Variants in HTR3D observed in about 807,000 individuals in gnomAD.
HTR3D encodes 5-hydroxytryptamine receptor 3D.
HTR3D carries 47 observed loss-of-function variants against 45.8 expected under a neutral mutation model. That is an observed-to-expected ratio of 1.03 (90% CI 0.81 to 1.31). HTR3D has a LOEUF of 1.31. Among genes scored for constraint, HTR3D ranks in the 50% most tolerant of loss-of-function variants. The probability of loss-of-function intolerance (pLI) is 0.00; values close to 1 mark genes in which losing one functional copy is unlikely to be tolerated. For missense variants in HTR3D, 448 were observed against 506.9 expected (o/e 0.88, Z 1.12); for synonymous variants, 203 against 199.8 (o/e 1.02, Z -0.13).
Position 184,039,011 on chromosome 3 carries a change from T to G in HTR3D, c.*36T>G. 1 of 1,608,190 alleles carries G rather than the reference T, an allele frequency of 6.2e-7. No individual in the cohort carries two copies. Among genetic ancestry groups the G allele is most frequent in the Non-Finnish European group, 8.5e-7 (1 of 1,175,900 alleles). ...ACCTGCAAACTTCAGTCTGGACTTC[T>G]TTTTGCCAGAGAACTCCAGAAACCA... is the stretch of plus-strand genomic sequence containing the variant. On this transcript the variant is annotated 3_prime_UTR_variant, in exon 8 of 8. Transcript: ENST00000428798.
At chr3:184,036,943 G>T (rs1383402210) in intron 5 of HTR3D, 47 bp downstream of exon 5, 1 of 1,529,146 alleles carries the variant, frequency 6.5e-7, no homozygotes, top group Admixed American at 2.0e-5. Context: ...GGCCAGGCTG[G>T]TCTTGAACTC....
At position 184,038,126 on chromosome 3, in the gene HTR3D, G is replaced by A; in HGVS notation, c.622G>A (p.Glu208Lys). Reference sequence around the variant, plus strand: ...TGCCCTCAGTTTCTACCTGCCACTGGAAAGTGGGAATTGTGCCCCATTCAA... The same window carrying A: ...TGCCCTCAGTTTCTACCTGCCACTGAAAAGTGGGAATTGTGCCCCATTCAA... ...IDALSFYLPL[E>K]SGNCAPFKMT... is the part of the protein sequence containing the mutation. The change falls in exon 6 of 8, where the codon GAA (glutamate) becomes AAA (lysine). Residue 208 changes from glutamate (E) to lysine (K), a missense_variant. Physicochemically the swap from Glu to Lys is moderately conservative, Grantham distance 56 (BLOSUM62 1). Transcript: ENST00000428798. This position sits in a 1 kb window ranked among gnomAD's most constrained non-coding sequence, Gnocchi z 4.5. The A allele has an allele frequency of 6.2e-7, 1 of 1,614,168 alleles. No homozygotes were observed. Among genetic ancestry groups the A allele is most frequent in the Non-Finnish European group, 8.5e-7 (1 of 1,180,036 alleles).
chr3:184,038,409 G>T lies in HTR3D; in HGVS notation c.770G>T (p.Gly257Val). ...RPHPSRDQKR[G>V]VYFALCLSLM... ...CTCATGCAGACCCCCTTGCCTGCAG[G>T]TGTCTACTTCGCCCTGTGCCTGTCC... Residue 257 changes from glycine to valine, a missense_variant and splice_region_variant, in exon 7 of 8, where the codon GGT becomes GTT. Physicochemically the swap from Gly to Val is moderately radical, Grantham distance 109. Coordinates refer to ENST00000428798, the MANE Select transcript of HTR3D (RefSeq NM_001145143.1). This position sits in a 1 kb window ranked among gnomAD's most constrained non-coding sequence, Gnocchi z 4.5. The T allele has an allele frequency of 6.2e-7, 1 of 1,614,140 alleles. No homozygotes were observed. Among genetic ancestry groups the T allele is most frequent in the Non-Finnish European group, 8.5e-7 (1 of 1,180,024 alleles).
upstream of HTR3D, chr3:184,031,596 T>C (rs1005789581): frequency 3.3e-5 from 20 of 614,834 alleles, no homozygotes; most frequent in Admixed American, 1.1e-4. Flanking sequence ...TGTGACATTC[T>C]TTTGTCACCA....
At chr3:184,035,297 GATTAT>G in intron 2 of HTR3D, 75 bp downstream of exon 2, 2 of 1,230,008 alleles carry the variant, frequency 1.6e-6, no homozygotes, top group Non-Finnish European at 2.3e-6. Flanking sequence ...CAGCTTTGCA[GATTAT>G]ATTGGTTAAA....
chr3:184,033,851 A>G (rs1228900293), intron 1 of HTR3D, among the ~76,000 whole-genome samples: 1 of 152,232 alleles, frequency 6.6e-6, no homozygotes, highest in Non-Finnish European at 1.5e-5. Context: ...CAGGAGGCAG[A>G]GGTTGCAGAC....
chr3:184,035,862 T>G, intron 2 of HTR3D, 153 bp from the exon 3 acceptor site: 1 of 676,638 alleles, frequency 1.5e-6, no homozygotes, highest in South Asian at 2.1e-5. Flanking sequence ...CCAGCTAATT[T>G]TTGTATTTTT....
chr3:184,034,831 A>G (rs959533402), intron 1 of HTR3D, among the ~76,000 whole-genome samples: 31 of 152,186 alleles, frequency 2.0e-4, no homozygotes, highest in African/African-American at 7.0e-4. Context: ...CTGTCTCAAA[A>G]AAAAGAAAAA....
chr3:184,035,092 C>A, intron 1 of HTR3D, 86 bp from the exon 2 acceptor site: 1 of 1,541,594 alleles, frequency 6.5e-7, no homozygotes, highest in Admixed American at 2.0e-5. Context: ...CCACATGGAC[C>A]AGCCTTGGAA....
In HTR3D at chr3:184,036,489, C is replaced by A; in HGVS notation, c.312C>A (p.Ser104=). The A allele has an allele frequency of 6.2e-7, 1 of 1,614,220 alleles. No homozygotes were observed. The highest frequency in any genetic ancestry group is 1.3e-5 in the African/African-American group (1 of 75,056). ...SASANWTPSI[S]PSMDRGERSP... ...CTGCAAACTGGACACCTTCTATTTCCCCTTCCATGGACAGAGGTGAACGCT... is the reference window on the plus strand; with the variant it reads ...CTGCAAACTGGACACCTTCTATTTCACCTTCCATGGACAGAGGTGAACGCT... Residue 104 remains serine (S), a synonymous_variant, in exon 4 of 8, where the codon TCC becomes TCA. Transcript: ENST00000428798.
intron 1 of HTR3D, chr3:184,032,848 A>C: frequency 2.6e-6 from 4 of 1,551,730 alleles, no homozygotes; most frequent in Non-Finnish European, 2.6e-6. Flanking sequence ...AACACTCTCC[A>C]GGCCCCCCAG....
chr3:184,037,564 G>A (rs2108962580), intron 5 of HTR3D, among the ~76,000 whole-genome samples: 1 of 152,252 alleles, frequency 6.6e-6, no homozygotes, highest in South Asian at 2.1e-4. Flanking sequence ...AGGAAACACT[G>A]CCTTAGGGAT....
intron 1 of HTR3D, 136 bp from the exon 2 acceptor site, chr3:184,035,042 T>C: frequency 1.3e-6 from 2 of 1,503,712 alleles, no homozygotes; most frequent in Non-Finnish European, 8.9e-7. Flanking sequence ...TGTTTTGATC[T>C]ACATCATTTT....
chr3:184,031,912 G>A lies in HTR3D; in HGVS notation c.66+105G>A, dbSNP rs889956779. 5.8e-5 allele frequency: 45 copies of A among 773,380 alleles called. 1 individual carries two copies. The South Asian group carries it at 6.0e-4, about 10-fold the overall frequency. 47.9% of individuals were successfully genotyped at this position (773,380 alleles called of 1,614,324 possible). A position where few individuals can be genotyped will look rare whatever the true frequency, so the allele number is the denominator to read the frequency against. ...TGAGATAGTCAATGATTGGATGTTC[G>A]TTATGGTAAAAATGATGCTCGTGAC... is the stretch of plus-strand genomic sequence containing the variant. On this transcript the variant is annotated intron_variant, in intron 1 of 7. Coordinates refer to ENST00000428798, the MANE Select transcript of HTR3D (RefSeq NM_001145143.1).
intron 1 of HTR3D, among the ~76,000 whole-genome samples, chr3:184,032,435 C>T (rs1167406688): frequency 6.6e-6 from 1 of 152,240 alleles, no homozygotes. Flanking sequence ...ATATCTCACA[C>T]TACCTATCTG....
chr3:184,031,896 C>A, intron 1 of HTR3D, 89 bp downstream of exon 1: 1 of 876,374 alleles, frequency 1.1e-6, no homozygotes, highest in Non-Finnish European at 1.9e-6. Context: ...CTGAGATAGT[C>A]AATGATTGGA....
In HTR3D at chr3:184,036,065, G is replaced by A. The variant is rs1722879223; in HGVS notation, c.162G>A (p.Glu54=). The A allele has an allele frequency of 1.3e-6, 2 of 1,551,494 alleles. No individual in the cohort carries two copies. Among genetic ancestry groups the A allele is most frequent in the African/African-American group, 1.4e-5 (1 of 73,038 alleles). Residue 54 remains glutamate (E), a synonymous_variant, in exon 3 of 8, where the codon GAG becomes GAA. Coordinates refer to ENST00000428798, the MANE Select transcript of HTR3D (RefSeq NM_001145143.1). The stretch of plus-strand genomic sequence containing the variant: ...TCAAGAAGTCCGGCATGGCAACTGA[G>A]AACCTATGGCTTTCAGATGTCTTCA... The part of the protein sequence containing the change: ...GGIKKSGMAT[E]NLWLSDVFIE...
chr3:184,036,105 G>A lies in HTR3D; in HGVS notation c.197+5G>A, dbSNP rs368584956. On this transcript the variant is annotated splice_donor_5th_base_variant and intron_variant, in intron 3 of 7. Coordinates refer to ENST00000428798, the MANE Select transcript of HTR3D (RefSeq NM_001145143.1). ...AGATGTCTTCATCGAGGAGTCGTGAGTCTCAGGCCAAAAAAGCAGAATGGA... is the reference window on the plus strand; with the variant it reads ...AGATGTCTTCATCGAGGAGTCGTGAATCTCAGGCCAAAAAAGCAGAATGGA... 202 of 1,547,832 alleles carry A rather than the reference G, an allele frequency of 1.3e-4. 1 individual carries two copies. In the African/African-American group the frequency reaches 2.3e-3, roughly 18 times the overall value.
intron 1 of HTR3D, among the ~76,000 whole-genome samples, chr3:184,034,631 G>A (rs1275819125): frequency 8.0e-5 from 8 of 100,098 alleles, no homozygotes; most frequent in African/African-American, 1.4e-4. Flanking sequence ...TTTAGCCTGG[G>A]CAACATGGCG....
Sources: gnomAD v4.1 joint callset for allele counts (sites outside exome capture counted in the v4.1 genomes callset) on GRCh38, gnomAD v4.1.1 for gene constraint, Gnocchi (gnomAD v3.1) non-coding constraint, MANE v1.5 for transcripts, NCBI Gene and HGNC (gene_info 2026-07-23, HGNC 2026-07-21) for gene names.